Variants in STAC2 observed in about 807,000 individuals in gnomAD.
The protein encoded by STAC2 is SH3 and cysteine-rich domain-containing protein 2.
STAC2 carries 36 observed loss-of-function variants against 49.0 expected under a neutral mutation model. The ratio of observed to expected loss-of-function variants is 0.74; its 90% CI spans 0.56 to 0.97. The LOEUF is 0.97. Among genes scored for constraint, STAC2 ranks in the 50% least tolerant of loss-of-function variants. The pLI, the probability that STAC2 is intolerant of heterozygous loss-of-function variation, is 0.00. For missense variants in STAC2, 527 were observed against 543.8 expected (o/e 0.97, Z 0.31); for synonymous variants, 239 against 214.7 (o/e 1.11, Z -0.99).
In STAC2 at chr17:39,220,012, C is replaced by G. The variant is rs548735047; in HGVS notation, c.91-1839G>C. On this transcript the variant is annotated intron_variant, in intron 1 of 10. Coordinates refer to ENST00000333461, the MANE Select transcript of STAC2 (RefSeq NM_198993.5). ...GCAGGCAGCAAGACAGAGGGGGAAGCAGAGGGGATGTTTGGGCACAAGGCA... is the reference window on the plus strand; with the variant it reads ...GCAGGCAGCAAGACAGAGGGGGAAGGAGAGGGGATGTTTGGGCACAAGGCA... Among the ~76,000 whole-genome samples the G allele has an allele frequency of 2.0e-5, 3 of 152,316 alleles. No homozygotes were observed. The South Asian group carries it at 6.2e-4, about 32-fold the overall frequency.
At chr17:39,213,669 ATTCTTTT>A (rs2046375018) in intron 8 of STAC2, 111 bp from the exon 9 acceptor site, 2 of 491,468 alleles carry the variant, frequency 4.1e-6, no homozygotes, top group African/African-American at 4.6e-5. Flanking sequence ...GGGAGAGACG[ATTCTTTT>A]TTTTTTTTTT....
intron 4 of STAC2, among the ~76,000 whole-genome samples, chr17:39,216,053 T>C (rs2046399222): frequency 6.6e-6 from 1 of 152,162 alleles, no homozygotes; most frequent in Non-Finnish European, 1.5e-5. Context: ...CCCACACCAG[T>C]CTTTCCAGAT....
At chr17:39,217,459 C>T (rs1011610804) in intron 2 of STAC2, among the ~76,000 whole-genome samples, 2 of 152,152 alleles carry the variant, frequency 1.3e-5, no homozygotes, top group African/African-American at 4.8e-5. Context: ...TGCAATGGCT[C>T]ACATCTGTAA....
Position 39,212,403 on chromosome 17 carries a change from CAG to C in STAC2, c.1132-9_1132-8del. 6.2e-7 allele frequency: 1 copy of C among 1,601,044 alleles called. No individual in the cohort carries two copies. The highest frequency in any genetic ancestry group is 1.1e-5 in the South Asian group (1 of 89,054). ...TGCCCACGCCCACGCAGATCTGAGC[CAG>C]AGAGACATGGAGCTGAGGCCTGGCA... On this transcript the variant is annotated splice_polypyrimidine_tract_variant and splice_region_variant and intron_variant, in intron 10 of 10. Transcript: ENST00000333461.
chr17:39,217,891 C>A lies in STAC2; in HGVS notation c.373G>T (p.Glu125Ter). ...CCTACGATGAGCTGGTGGCACAGCT[C>A]ACAAGGGCTAGCTCGCTTGAAGACA... ...EHVFKRASPCELCHQLIVGNS... is the reference protein window; with the variant it reads ...EHVFKRASPC Residue 125 changes from glutamate (E) to a stop codon, truncating the protein, a stop_gained, in exon 2 of 11, where the codon GAG becomes TAG. Coordinates refer to ENST00000333461, the MANE Select transcript of STAC2 (RefSeq NM_198993.5). LOFTEE classifies it high-confidence loss of function. 1 of 1,606,202 alleles carries A rather than the reference C, an allele frequency of 6.2e-7. No homozygotes were observed. The highest frequency in any genetic ancestry group is 1.1e-5 in the South Asian group (1 of 89,714).
At position 39,213,501 on chromosome 17, in the gene STAC2, A is replaced by G. The variant is rs774481712; in HGVS notation, c.993+6T>C. 2.5e-5 allele frequency: 41 copies of G among 1,613,434 alleles called. 1 individual carries two copies. The South Asian group carries it at 3.4e-4, about 13-fold the overall frequency. ...TGTCCCTCCACTCCCCACCCTGCCA[A>G]GTCACCTTCCACCAGTCCTCGTTAG... On this transcript the variant is annotated splice_donor_region_variant and intron_variant, in intron 9 of 10. Transcript: ENST00000333461.
chr17:39,213,452 G>A lies in STAC2; in HGVS notation c.993+55C>T, dbSNP rs368895687. ...GGTGGGGGCAGTGCCCATTGGGGGT[G>A]GGGGCTGCTGGGGTGCCTACCAGTG... On this transcript the variant is annotated intron_variant, in intron 9 of 10. Coordinates refer to ENST00000333461, the MANE Select transcript of STAC2 (RefSeq NM_198993.5). 99 of 1,603,528 alleles carry A rather than the reference G, an allele frequency of 6.2e-5. No homozygotes were observed. In the African/African-American group the frequency reaches 1.2e-3, roughly 20 times the overall value.
chr17:39,215,040 G>C lies in STAC2; in HGVS notation c.700-17C>G. 1 of 1,614,054 alleles carries C rather than the reference G, an allele frequency of 6.2e-7. No homozygotes were observed. Among genetic ancestry groups the C allele is most frequent in the Non-Finnish European group, 8.5e-7 (1 of 1,179,990 alleles). On this transcript the variant is annotated splice_polypyrimidine_tract_variant and intron_variant, in intron 5 of 10. Transcript: ENST00000333461. ...CCGCTCACTCTAGGGACAGAGAGAG[G>C]AGAGGGCTCAGCCCCCGAGCCCACT... is the stretch of plus-strand genomic sequence containing the variant.
In STAC2 at chr17:39,214,955, G is replaced by C. The variant is rs753938118; in HGVS notation, c.768C>G (p.Asp256Glu). 1.2e-6 allele frequency: 2 copies of C among 1,613,998 alleles called. No homozygotes were observed. Among genetic ancestry groups the C allele is most frequent in the East Asian group, 2.2e-5 (1 of 44,858 alleles). The change falls in exon 6 of 11, where the codon GAC becomes GAG. Residue 256 changes from aspartate to glutamate, a missense_variant. Coordinates refer to ENST00000333461, the MANE Select transcript of STAC2 (RefSeq NM_198993.5). ...SIRSSEEGPG[D>E]SASPVFTAPA... is the part of the protein sequence containing the mutation. The stretch of plus-strand genomic sequence containing the variant: ...TTGATGCCCACCACCACTCACCACT[G>C]TCACCAGGCCCCTCCTCAGAGCTGC...
Position 39,218,193 on chromosome 17 carries a change from C to T in STAC2, c.91-20G>A. The T allele has an allele frequency of 6.2e-7, 1 of 1,612,808 alleles. No homozygotes were observed. The highest frequency in any genetic ancestry group is 8.5e-7 in the Non-Finnish European group (1 of 1,179,912). On this transcript the variant is annotated intron_variant, in intron 1 of 10. Coordinates refer to ENST00000333461, the MANE Select transcript of STAC2 (RefSeq NM_198993.5). ...CTGGAGCTGGGAGAAAAAGAGGGAG[C>T]TGTGAGTGGGAGCCTAGAGGGGGCT...
chr17:39,219,846 G>A (rs957324512), intron 1 of STAC2, among the ~76,000 whole-genome samples: 1 of 152,202 alleles, frequency 6.6e-6, no homozygotes, highest in Non-Finnish European at 1.5e-5. Context: ...CAGAAACAGG[G>A]GCCAGCAGCC....
chr17:39,216,739 G>T, intron 4 of STAC2, 71 bp downstream of exon 4: 1 of 1,416,752 alleles, frequency 7.1e-7, no homozygotes, highest in Non-Finnish European at 9.6e-7. Context: ...TGTTGGCCAG[G>T]CTGGTCAGGG....
intron 4 of STAC2, 75 bp from the exon 5 acceptor site, chr17:39,215,305 A>G (rs768799456): frequency 3.3e-6 from 5 of 1,495,980 alleles, no homozygotes; most frequent in African/African-American, 1.4e-5. Flanking sequence ...AGCATGCCCC[A>G]GGCTGAGCTT....
intron 8 of STAC2, among the ~76,000 whole-genome samples, chr17:39,213,873 C>T (rs1455411497): frequency 6.6e-6 from 1 of 151,980 alleles, no homozygotes; most frequent in Non-Finnish European, 1.5e-5. Context: ...GATGGGGTTT[C>T]ACTATGTTGG....
chr17:39,213,585 T>TA (rs1159353137), intron 8 of STAC2, 27 bp from the exon 9 acceptor site: 1 of 1,612,682 alleles, frequency 6.2e-7, no homozygotes, highest in Admixed American at 1.7e-5. Flanking sequence ...TAGGGTTGCA[T>TA]ATGGAGCAGG....
chr17:39,224,064 G>A (rs112416314), intron 1 of STAC2, among the ~76,000 whole-genome samples: 1 of 152,054 alleles, frequency 6.6e-6, no homozygotes, highest in Non-Finnish European at 1.5e-5. Context: ...CAGGATGGGG[G>A]CTCCCTGGGG....
chr17:39,212,441 C>A (rs1359244903), intron 10 of STAC2, 45 bp from the exon 11 acceptor site: 1 of 1,502,234 alleles, frequency 6.7e-7, no homozygotes, highest in South Asian at 1.2e-5. Context: ...TGGCCTGCAG[C>A]CCTGGCCCTG....
rs780366545 is a variant in STAC2, at chr17:39,216,867, G to C, written c.529C>G (p.Leu177Val). The C allele has an allele frequency of 6.2e-7, 1 of 1,604,888 alleles. No individual in the cohort carries two copies. Among genetic ancestry groups the C allele is most frequent in the South Asian group, 1.1e-5 (1 of 89,212 alleles). Reference sequence around the variant, plus strand: ...ACTGGTGGCGGCTCATGCACCAGGAGAGGGGAACTGAAGTTGCGGCGGAAG... The same window carrying C: ...ACTGGTGGCGGCTCATGCACCAGGACAGGGGAACTGAAGTTGCGGCGGAAG... ...TSFRRNFSSP[L>V]LVHEPPPVCA... is the part of the protein sequence containing the mutation. Residue 177 changes from leucine to valine, a missense_variant, in exon 4 of 11, where the codon CTC becomes GTC. By Grantham distance (32) the Leu-to-Val change is conservative. Transcript: ENST00000333461.
chr17:39,212,506 C>A, intron 10 of STAC2, 110 bp from the exon 11 acceptor site: 2 of 774,388 alleles, frequency 2.6e-6, no homozygotes, highest in South Asian at 3.2e-5. Context: ...GGACCAGTGT[C>A]AGATGTGGAT....
Sources: gnomAD v4.1 joint callset for allele counts (sites outside exome capture counted in the v4.1 genomes callset) on GRCh38, gnomAD v4.1.1 for gene constraint, MANE v1.5 for transcripts, NCBI Gene and HGNC (gene_info 2026-07-23, HGNC 2026-07-21) for gene names.